CHD6: variants seen among roughly 807,000 people sequenced by gnomAD.
CHD6 encodes chromodomain helicase DNA binding protein 6.
Under a neutral mutation model 276.9 loss-of-function variants are expected in CHD6, and 50 were observed. The ratio of observed to expected loss-of-function variants is 0.18; its 90% CI spans 0.14 to 0.23. The LOEUF is 0.23. Among genes scored for constraint, CHD6 ranks in the 10% least tolerant of loss-of-function variants. The pLI is 1.00. For synonymous variants in CHD6, 1,173 were observed against 1,229.3 expected (o/e 0.95, Z 0.96); for missense variants, 2,564 against 3,365.8 (o/e 0.76, Z 5.89).
intron 3 of CHD6, among the ~76,000 whole-genome samples, chr20:41,532,157 T>G (rs570962830): frequency 6.6e-6 from 1 of 152,332 alleles, no homozygotes; most frequent in African/African-American, 2.4e-5. Context: ...ATGCATTTGC[T>G]GTCTTGATAG....
At chr20:41,478,677 G>A (rs899248090) in intron 16 of CHD6, among the ~76,000 whole-genome samples, 6 of 152,278 alleles carry the variant, frequency 3.9e-5, no homozygotes, top group African/African-American at 1.2e-4. Context: ...ACTTGCTCGG[G>A]CCTGATTGTG....
intron 18 of CHD6, among the ~76,000 whole-genome samples, chr20:41,456,607 C>G (rs781090112): frequency 4.6e-5 from 7 of 152,112 alleles, no homozygotes; most frequent in African/African-American, 7.2e-5. Context: ...ATATGCATAG[C>G]TAAGAGGATA....
At chr20:41,456,730 T>C (rs999564211) in intron 18 of CHD6, among the ~76,000 whole-genome samples, 3 of 152,250 alleles carry the variant, frequency 2.0e-5, no homozygotes, top group African/African-American at 7.2e-5. Flanking sequence ...TACTTTAAGA[T>C]ACTTTAGGAC....
chr20:41,517,802 C>T (rs1445437814), intron 3 of CHD6, among the ~76,000 whole-genome samples: 1 of 152,134 alleles, frequency 6.6e-6, no homozygotes, highest in Admixed American at 6.5e-5. Flanking sequence ...CAGCAAATGC[C>T]CCAAAGTCAG....
chr20:41,466,251 G>A (rs1488991834), intron 17 of CHD6, among the ~76,000 whole-genome samples: 2 of 152,104 alleles, frequency 1.3e-5, no homozygotes, highest in Non-Finnish European at 2.9e-5. Flanking sequence ...TTTACCCTTG[G>A]TAGGGAAGGG....
At chr20:41,469,179 C>T (rs2042997545) in intron 17 of CHD6, among the ~76,000 whole-genome samples, 1 of 152,160 alleles carries the variant, frequency 6.6e-6, no homozygotes, top group African/African-American at 2.4e-5. Flanking sequence ...CAAAATCCTG[C>T]AGACATGCAG....
At chr20:41,491,912 C>T in intron 10 of CHD6, 93 bp from the exon 11 acceptor site, 1 of 1,406,696 alleles carries the variant, frequency 7.1e-7, no homozygotes. Flanking sequence ...ATCTCACTGT[C>T]CCAAGGCTGG....
chr20:41,561,964 GTCAGATTTT>G (rs932631648), intron 1 of CHD6, among the ~76,000 whole-genome samples: 6 of 152,120 alleles, frequency 3.9e-5, no homozygotes, highest in Admixed American at 1.3e-4. Context: ...TCTGGAAACT[GTCAGATTTT>G]TCAGTTTTGA....
At chr20:41,596,604 G>A (rs73613227) in intron 1 of CHD6, among the ~76,000 whole-genome samples, 3,292 of 152,042 alleles carry the variant, frequency 0.022, 47 homozygotes, top group South Asian at 0.04. Flanking sequence ...GAGAAAACTT[G>A]AAAGACCTTA....
At chr20:41,596,224 TA>T (rs2045716329) in intron 1 of CHD6, among the ~76,000 whole-genome samples, 1 of 152,102 alleles carries the variant, frequency 6.6e-6, no homozygotes, top group Non-Finnish European at 1.5e-5. Flanking sequence ...TTTCCTCTCC[TA>T]AAAGGAGTCT....
chr20:41,572,332 G>C (rs1205036278), intron 1 of CHD6, among the ~76,000 whole-genome samples: 1 of 152,146 alleles, frequency 6.6e-6, no homozygotes, highest in African/African-American at 2.4e-5. Context: ...GTAGTGTTCT[G>C]CCTACCACAT....
chr20:41,597,225 T>C (rs1046963361), intron 1 of CHD6, among the ~76,000 whole-genome samples: 7 of 152,150 alleles, frequency 4.6e-5, no homozygotes, highest in African/African-American at 1.7e-4. Context: ...TTCTTTTATC[T>C]CAAGTACCAC....
Position 41,452,784 on chromosome 20 carries a change from G to A in CHD6, c.3279C>T (p.Leu1093=). Residue 1093 remains leucine (L), a synonymous_variant, in exon 21 of 37, where the codon CTC becomes CTT. Transcript: ENST00000373233. The surrounding 1 kb of genome is among the most constrained non-coding windows in gnomAD (Gnocchi z 4.2). ...TCTCTACCCGGAAGCACTCCGCTCGGAGGTAGCGCCTGGCTTTGTCATTGA... is the reference window on the plus strand; with the variant it reads ...TCTCTACCCGGAAGCACTCCGCTCGAAGGTAGCGCCTGGCTTTGTCATTGA... ...RRLNDKARRY[L]RAECFRVEKN... is the part of the protein sequence containing the mutation. 1 of 1,613,396 alleles carries A rather than the reference G, an allele frequency of 6.2e-7. No homozygotes were observed. Among genetic ancestry groups the A allele is most frequent in the Non-Finnish European group, 8.5e-7 (1 of 1,179,902 alleles).
chr20:41,557,346 A>G (rs1185532137), intron 1 of CHD6, among the ~76,000 whole-genome samples: 1 of 152,150 alleles, frequency 6.6e-6, no homozygotes, highest in African/African-American at 2.4e-5. Flanking sequence ...TCACCCATCT[A>G]AGGATGCTCC....
chr20:41,466,341 T>C (rs1254824901), intron 17 of CHD6, among the ~76,000 whole-genome samples: 1 of 152,208 alleles, frequency 6.6e-6, no homozygotes, highest in South Asian at 2.1e-4. Context: ...TTTTCCCCGC[T>C]TAACAATATA....
At chr20:41,498,107 A>G in intron 7 of CHD6, 61 bp downstream of exon 7, 1 of 1,143,232 alleles carries the variant, frequency 8.7e-7, no homozygotes. Context: ...TAAAGTCACA[A>G]GAGAAAAAAA....
chr20:41,600,953 A>G (rs2045767411), intron 1 of CHD6, among the ~76,000 whole-genome samples: 1 of 152,202 alleles, frequency 6.6e-6, no homozygotes, highest in African/African-American at 2.4e-5. Flanking sequence ...TCAAGTCACT[A>G]GGAGAAAAAA....
At position 41,498,779 on chromosome 20, in the gene CHD6, G is replaced by GTGTA. The variant is rs755113036; in HGVS notation, c.915+512_915+515dup. ...TTAGGACTCATATGGGTGTGTATGT[G>GTGTA]TGTATGTATGTATGTATGTATGTAT... On this transcript the variant is annotated intron_variant, in intron 6 of 36. Transcript: ENST00000373233. 7.0e-3 allele frequency among the ~76,000 whole-genome samples: 1,023 copies of GTGTA among 145,702 alleles called. 7 individuals carry two copies. The highest frequency in any genetic ancestry group is 9.8e-3 in the Non-Finnish European group (651 of 66,480).
At chr20:41,603,169 A>G (rs527750749) in intron 1 of CHD6, among the ~76,000 whole-genome samples, 1 of 152,058 alleles carries the variant, frequency 6.6e-6, no homozygotes, top group South Asian at 2.1e-4. Context: ...CCTGGCCAAC[A>G]TGGTGAAACC....
Sources: gnomAD v4.1 joint callset for allele counts (sites outside exome capture counted in the v4.1 genomes callset) on GRCh38, gnomAD v4.1.1 for gene constraint, Gnocchi (gnomAD v3.1) non-coding constraint, MANE v1.5 for transcripts, NCBI Gene and HGNC (gene_info 2026-07-23, HGNC 2026-07-21) for gene names.